Variants in TSHZ2 observed in about 807,000 individuals in gnomAD.
The protein encoded by TSHZ2 is teashirt zinc finger homeobox 2.
A neutral mutation model predicts 74.4 loss-of-function variants in TSHZ2; 21 were observed. The ratio of observed to expected loss-of-function variants is 0.28; its 90% CI spans 0.20 to 0.41. The LOEUF (loss-of-function observed/expected upper bound fraction) is 0.41. TSHZ2 is among the 10% of genes least tolerant of loss of function. TSHZ2 has a pLI of 1.00. For synonymous variants in TSHZ2, 540 were observed against 515.3 expected (o/e 1.05, Z -0.65); for missense variants, 1,244 against 1,293.5 (o/e 0.96, Z 0.59).
At chr20:53,039,379 T>C (rs1434387956) in intron 1 of TSHZ2, among the ~76,000 whole-genome samples, 1 of 152,220 alleles carries the variant, frequency 6.6e-6, no homozygotes, top group Non-Finnish European at 1.5e-5. Flanking sequence ...TCAGTACCTT[T>C]TTCTCTCTCG....
chr20:53,194,537 A>G (rs1411510430), intron 1 of TSHZ2, among the ~76,000 whole-genome samples: 2 of 152,202 alleles, frequency 1.3e-5, no homozygotes, highest in African/African-American at 2.4e-5. Context: ...AGGGCTCCAC[A>G]TTGTAAATCA....
At chr20:53,168,366 G>T (rs2123478903) in intron 1 of TSHZ2, among the ~76,000 whole-genome samples, 1 of 152,244 alleles carries the variant, frequency 6.6e-6, no homozygotes, top group South Asian at 2.1e-4. Context: ...AAAACCACTG[G>T]CTTATTCACA....
In TSHZ2 at chr20:53,254,944, A is replaced by G; in HGVS notation, c.1486A>G (p.Ile496Val). The G allele has an allele frequency of 6.2e-7, 1 of 1,613,932 alleles. No individual in the cohort carries two copies. The highest frequency in any genetic ancestry group is 8.5e-7 in the Non-Finnish European group (1 of 1,179,952). Residue 496 changes from isoleucine to valine, a missense_variant, in exon 2 of 3, where the codon ATC (isoleucine) becomes GTC (valine). Around this residue, in one of 6 missense-constraint regions of TSHZ2, gnomAD observed 562 missense variants for 544.0 expected, o/e 1.03. Coordinates refer to ENST00000371497, the MANE Select transcript of TSHZ2 (RefSeq NM_173485.6). ...DPLQKPLDPT[I>V]KYQYLREEDL... ...TCTACAAAAACCTTTAGACCCTACAATCAAATATCAATACCTAAGGGAGGA... is the reference window on the plus strand; with the variant it reads ...TCTACAAAAACCTTTAGACCCTACAGTCAAATATCAATACCTAAGGGAGGA...
chr20:53,034,368 G>A (rs1042096206), intron 1 of TSHZ2, among the ~76,000 whole-genome samples: 1 of 152,152 alleles, frequency 6.6e-6, no homozygotes, highest in Non-Finnish European at 1.5e-5. Flanking sequence ...GCAAAATAAG[G>A]TGTCTGCCCC....
chr20:53,436,533 A>ATTTTTTTTTTTTTTTT (rs1444141242), intron 2 of TSHZ2, among the ~76,000 whole-genome samples: 1 of 115,934 alleles, frequency 8.6e-6, no homozygotes, highest in African/African-American at 3.5e-5. Flanking sequence ...ATTTATTATT[A>ATTTTTTTTTTTTTTTT]TTATTATTAT....
At chr20:53,472,641 G>A (rs540921587) in intron 2 of TSHZ2, among the ~76,000 whole-genome samples, 9 of 151,920 alleles carry the variant, frequency 5.9e-5, no homozygotes, top group African/African-American at 1.7e-4. Flanking sequence ...AGCTCCTCAG[G>A]GGGGAGGGAG....
chr20:53,186,608 G>A (rs1988604723), intron 1 of TSHZ2, among the ~76,000 whole-genome samples: 2 of 152,298 alleles, frequency 1.3e-5, no homozygotes, highest in African/African-American at 4.8e-5. Flanking sequence ...AGGGCAGCAT[G>A]TCAAACCGAG....
At chr20:53,298,194 C>T (rs1056196001) in intron 2 of TSHZ2, among the ~76,000 whole-genome samples, 1 of 152,234 alleles carries the variant, frequency 6.6e-6, no homozygotes, top group Admixed American at 6.5e-5. Context: ...CACTATACGC[C>T]AGGTACTCTG....
At chr20:53,143,413 G>T (rs996955885) in intron 1 of TSHZ2, among the ~76,000 whole-genome samples, 1 of 152,160 alleles carries the variant, frequency 6.6e-6, no homozygotes, top group Non-Finnish European at 1.5e-5. Context: ...ATTGTAATAG[G>T]CCGGGCGCGG....
At chr20:53,165,091 G>A (rs988615429) in intron 1 of TSHZ2, among the ~76,000 whole-genome samples, 3 of 151,734 alleles carry the variant, frequency 2.0e-5, no homozygotes, top group Admixed American at 6.6e-5. Flanking sequence ...GTGGATGGAA[G>A]GGTGGATGGA....
chr20:53,137,172 C>T (rs1370420229), intron 1 of TSHZ2, among the ~76,000 whole-genome samples: 1 of 152,052 alleles, frequency 6.6e-6, no homozygotes, highest in East Asian at 1.9e-4. Context: ...AGTAACACTT[C>T]TGCAGCTAAA....
At chr20:53,486,200 G>T (rs749471725) in intron 2 of TSHZ2, among the ~76,000 whole-genome samples, 2 of 151,984 alleles carry the variant, frequency 1.3e-5, no homozygotes, top group Non-Finnish European at 2.9e-5. Flanking sequence ...TATTCTCAGG[G>T]TTCATCCATG....
At chr20:53,232,720 AC>A (rs532344743) in intron 1 of TSHZ2, among the ~76,000 whole-genome samples, 7 of 151,672 alleles carry the variant, frequency 4.6e-5, no homozygotes, top group Non-Finnish European at 8.8e-5. Flanking sequence ...ACAGAGCGAG[AC>A]CCCCCCTCTA....
chr20:53,356,304 A>G (rs929893594), intron 2 of TSHZ2, among the ~76,000 whole-genome samples: 5 of 152,172 alleles, frequency 3.3e-5, no homozygotes, highest in African/African-American at 4.8e-5. Context: ...TCTGAGGGAT[A>G]ATTATGATCT....
chr20:53,299,416 TG>T (rs748457045), intron 2 of TSHZ2, among the ~76,000 whole-genome samples: 44 of 152,244 alleles, frequency 2.9e-4, no homozygotes, highest in Admixed American at 1.1e-3. Flanking sequence ...TATTATAATA[TG>T]GGTAAAGACT....
intron 1 of TSHZ2, among the ~76,000 whole-genome samples, chr20:53,221,538 A>T (rs1989557419): frequency 6.6e-6 from 1 of 152,188 alleles, no homozygotes; most frequent in African/African-American, 2.4e-5. Context: ...GAGTGGTATA[A>T]GAAGAAATCT....
chr20:53,207,858 CTTTTT>C (rs58457116), intron 1 of TSHZ2, among the ~76,000 whole-genome samples: 6 of 96,670 alleles, frequency 6.2e-5, no homozygotes, highest in South Asian at 7.5e-4. Flanking sequence ...CATTGTTTTA[CTTTTT>C]TTTTTTTTTT....
chr20:53,254,067 G>C lies in TSHZ2; in HGVS notation c.609G>C (p.Lys203Asn). The C allele has an allele frequency of 1.9e-6, 3 of 1,614,154 alleles. No individual in the cohort carries two copies. The highest frequency in any genetic ancestry group is 2.5e-6 in the Non-Finnish European group (3 of 1,180,044). The change falls in exon 2 of 3, where the codon AAG becomes AAC. Residue 203 changes from lysine (K) to asparagine (N), a missense_variant. By Grantham distance (94) the Lys-to-Asn change is moderately conservative (BLOSUM62 0). Coordinates refer to ENST00000371497, the MANE Select transcript of TSHZ2 (RefSeq NM_173485.6). ...SSVQLYRQSS[K>N]MCGTVFTGAS... ...TGCAGTTGTACCGACAGAGCAGCAA[G>C]ATGTGCGGGACTGTGTTCACAGGGG...
At chr20:53,127,370 A>C (rs1013221898) in intron 1 of TSHZ2, among the ~76,000 whole-genome samples, 1 of 152,238 alleles carries the variant, frequency 6.6e-6, no homozygotes, top group African/African-American at 2.4e-5. Context: ...AAGAAAACAA[A>C]CAAAAAATAA....
Sources: allele counts gnomAD v4.1 joint callset (sites outside exome capture counted in the v4.1 genomes callset), GRCh38; gene constraint gnomAD v4.1.1; regional missense constraint gnomAD v4.1.1; transcripts MANE v1.5; gene names NCBI Gene and HGNC (gene_info 2026-07-23, HGNC 2026-07-21).